UBE2O: variants seen among roughly 807,000 people sequenced by gnomAD.
UBE2O encodes the protein ubiquitin conjugating enzyme E2 O, also known as (E3-independent) E2 ubiquitin-conjugating enzyme.
In UBE2O, 15 loss-of-function variants were observed where a neutral mutation model predicts 125.8. That is an observed-to-expected ratio of 0.12 (90% CI 0.08 to 0.18). The LOEUF (loss-of-function observed/expected upper bound fraction) is 0.18. Among genes scored for constraint, UBE2O ranks in the 10% least tolerant of loss-of-function variants. The pLI is 1.00. For synonymous variants in UBE2O, 708 were observed against 703.2 expected (o/e 1.01, Z -0.11); for missense variants, 1,280 against 1,723.6 (o/e 0.74, Z 4.56).
chr17:76,396,952 T>G lies in UBE2O; in HGVS notation c.2116-131A>C. The G allele has an allele frequency of 1.4e-6, 1 of 737,270 alleles. No individual in the cohort carries two copies. The highest frequency in any genetic ancestry group is 2.2e-6 in the Non-Finnish European group (1 of 463,132). 45.7% of individuals were successfully genotyped at this position (737,270 alleles called of 1,614,324 possible). On this transcript the variant is annotated intron_variant, in intron 13 of 17. Coordinates refer to ENST00000319380, the MANE Select transcript of UBE2O (RefSeq NM_022066.4). This position sits in a 1 kb window ranked among gnomAD's most constrained non-coding sequence, Gnocchi z 6.7. ...GCTCATGAGGCCTTGGCAACCTCAT[T>G]CCACCCTTTCCCTGACCTCTGCTCT...
At chr17:76,421,988 G>A (rs771590915) in intron 1 of UBE2O, among the ~76,000 whole-genome samples, 1 of 152,214 alleles carries the variant, frequency 6.6e-6, no homozygotes, top group Non-Finnish European at 1.5e-5. Flanking sequence ...ATCCCAGGTG[G>A]AGGAAAATGG....
At position 76,410,846 on chromosome 17, in the gene UBE2O, A is replaced by C. The variant is rs1050670285; in HGVS notation, c.418-5274T>G. The stretch of plus-strand genomic sequence containing the variant: ...TCTTGAGGCTGACCCCCAATAACAC[A>C]GCAAAAGCAACTAGCTCGTCCTGCA... On this transcript the variant is annotated intron_variant, in intron 1 of 17. Transcript: ENST00000319380. The surrounding 1 kb of genome is among the most constrained non-coding windows in gnomAD (Gnocchi z 4.0). Among the ~76,000 whole-genome samples the C allele has an allele frequency of 6.6e-6, 1 of 152,194 alleles. No individual in the cohort carries two copies. The highest frequency in any genetic ancestry group is 2.1e-4 in the South Asian group (1 of 4,832).
intron 3 of UBE2O, among the ~76,000 whole-genome samples, chr17:76,403,335 T>A (rs1030529131): frequency 1.3e-5 from 2 of 152,102 alleles, no homozygotes; most frequent in Non-Finnish European, 2.9e-5. Flanking sequence ...AATGGTGTGA[T>A]CTTGGCTTAA....
intron 1 of UBE2O, among the ~76,000 whole-genome samples, chr17:76,418,445 G>A (rs1567844532): frequency 6.6e-6 from 1 of 152,212 alleles, no homozygotes; most frequent in Non-Finnish European, 1.5e-5. Flanking sequence ...GCCTCTGAAG[G>A]GCAATGGTGG....
intron 1 of UBE2O, among the ~76,000 whole-genome samples, chr17:76,442,118 G>A (rs2073084039): frequency 6.6e-6 from 1 of 152,190 alleles, no homozygotes; most frequent in Admixed American, 6.5e-5. Context: ...GCCAGAAGCA[G>A]CTTCATTTCG....
chr17:76,438,182 T>G (rs1027522471), intron 1 of UBE2O, among the ~76,000 whole-genome samples: 1 of 152,112 alleles, frequency 6.6e-6, no homozygotes, highest in African/African-American at 2.4e-5. Flanking sequence ...GCTATAAAAC[T>G]TAATGGTTTG....
At chr17:76,429,660 C>G (rs1423269130) in intron 1 of UBE2O, among the ~76,000 whole-genome samples, 1 of 151,836 alleles carries the variant, frequency 6.6e-6, no homozygotes, top group Non-Finnish European at 1.5e-5. Context: ...GAGTAGAAAG[C>G]TGGCCACTGC....
rs534791352 is a variant in UBE2O, at chr17:76,407,878, C to T, written c.418-2306G>A. Reference sequence around the variant, plus strand: ...TGCTGCCTCCAGGGGCTCTTCTGACCTTTCTATGACAAGGAGTTACATTTC... The same window carrying T: ...TGCTGCCTCCAGGGGCTCTTCTGACTTTTCTATGACAAGGAGTTACATTTC... On this transcript the variant is annotated intron_variant, in intron 1 of 17. Coordinates refer to ENST00000319380, the MANE Select transcript of UBE2O (RefSeq NM_022066.4). Among the ~76,000 whole-genome samples the T allele has an allele frequency of 2.6e-5, 4 of 152,326 alleles. No homozygotes were observed. In the East Asian group the frequency reaches 7.7e-4, roughly 29 times the overall value.
At position 76,391,431 on chromosome 17, in the gene UBE2O, A is replaced by C; in HGVS notation, c.3391T>G (p.Phe1131Val). ...EVFEQEIRQH[F>V]STGGWRLVNR... ...ACCAGCCGCCAGCCACCAGTGCTAA[A>C]GTGTTGCCTGATCTCCTGCTCAAAG... The change falls in exon 18 of 18, where the codon TTT becomes GTT. Residue 1131 changes from phenylalanine to valine, a missense_variant. Phe to Val is a conservative substitution (Grantham distance 50). Transcript: ENST00000319380. This position sits in a 1 kb window ranked among gnomAD's most constrained non-coding sequence, Gnocchi z 8.4. 6.2e-7 allele frequency: 1 copy of C among 1,613,684 alleles called. No individual in the cohort carries two copies. Among genetic ancestry groups the C allele is most frequent in the Non-Finnish European group, 8.5e-7 (1 of 1,180,010 alleles).
Position 76,398,298 on chromosome 17 carries a change from C to T in UBE2O, c.1982G>A (p.Arg661His). The change falls in exon 12 of 18, where the codon CGC becomes CAC. Residue 661 changes from arginine to histidine, a missense_variant. Arg to His is a conservative substitution (Grantham distance 29). Transcript: ENST00000319380. The surrounding 1 kb of genome is among the most constrained non-coding windows in gnomAD (Gnocchi z 5.4). ...FRFRTTDIVI[R>H]IGNTEDGAPH... ...AGCCCCATCCTCAGTATTGCCGATG[C>T]GGATGACGATGTCAGTTGTACGGAA... 4 of 1,614,146 alleles carry T rather than the reference C, an allele frequency of 2.5e-6. No individual in the cohort carries two copies. Among genetic ancestry groups the T allele is most frequent in the East Asian group, 2.2e-5 (1 of 44,892 alleles).
At chr17:76,430,859 G>A in intron 1 of UBE2O, 1 of 392,116 alleles carries the variant, frequency 2.6e-6, no homozygotes, top group Non-Finnish European at 4.9e-6. Context: ...GATGACAAAT[G>A]CCAATTCGGG....
chr17:76,402,781 A>T lies in UBE2O; in HGVS notation c.589-82T>A. 1 of 1,173,976 alleles carries T rather than the reference A, an allele frequency of 8.5e-7. No individual in the cohort carries two copies. The highest frequency in any genetic ancestry group is 1.3e-6 in the Non-Finnish European group (1 of 783,664). 72.7% of individuals were successfully genotyped at this position (1,173,976 alleles called of 1,614,324 possible). A position where few individuals can be genotyped will look rare whatever the true frequency, so the allele number is the denominator to read the frequency against. Reference sequence around the variant, plus strand: ...GCACAGATTCCTCTATGCCCCACCGAAGACAGGATGGGGGAGGATCTAGAC... The same window carrying T: ...GCACAGATTCCTCTATGCCCCACCGTAGACAGGATGGGGGAGGATCTAGAC... On this transcript the variant is annotated intron_variant, in intron 3 of 17. Transcript: ENST00000319380. The surrounding 1 kb of genome is among the most constrained non-coding windows in gnomAD (Gnocchi z 5.4).
intron 1 of UBE2O, among the ~76,000 whole-genome samples, chr17:76,421,641 A>G (rs1416131501): frequency 3.9e-5 from 6 of 152,232 alleles, no homozygotes; most frequent in Non-Finnish European, 7.3e-5. Flanking sequence ...CTAGGATTAC[A>G]GGCGTGAGCC....
chr17:76,412,017 G>A (rs1191777686), intron 1 of UBE2O, among the ~76,000 whole-genome samples: 1 of 152,094 alleles, frequency 6.6e-6, no homozygotes, highest in Non-Finnish European at 1.5e-5. Context: ...GCTTGCAGTA[G>A]TCTCAAACAG....
At chr17:76,408,738 A>G (rs1202049963) in intron 1 of UBE2O, among the ~76,000 whole-genome samples, 1 of 152,208 alleles carries the variant, frequency 6.6e-6, no homozygotes, top group Non-Finnish European at 1.5e-5. Context: ...CCGGCCTGGC[A>G]GGTGAACACT....
intron 1 of UBE2O, among the ~76,000 whole-genome samples, chr17:76,406,070 C>G (rs2072411891): frequency 6.6e-6 from 1 of 152,250 alleles, no homozygotes. Flanking sequence ...TCACCGGACA[C>G]CATGTTCTAA....
At chr17:76,420,379 T>A (rs2072689637) in intron 1 of UBE2O, among the ~76,000 whole-genome samples, 1 of 152,116 alleles carries the variant, frequency 6.6e-6, no homozygotes, top group African/African-American at 2.4e-5. Context: ...GGGCCTATCT[T>A]CCCACAGTGG....
At position 76,400,035 on chromosome 17, in the gene UBE2O, G is replaced by T; in HGVS notation, c.1155+112C>A. On this transcript the variant is annotated intron_variant, in intron 8 of 17. Coordinates refer to ENST00000319380, the MANE Select transcript of UBE2O (RefSeq NM_022066.4). This position sits in a 1 kb window ranked among gnomAD's most constrained non-coding sequence, Gnocchi z 4.3. Reference sequence around the variant, plus strand: ...GTATACACCTGAGTAGCCGGCAAGGGTCATCAGGGCTGCCCCCCAAGGCCT... The same window carrying T: ...GTATACACCTGAGTAGCCGGCAAGGTTCATCAGGGCTGCCCCCCAAGGCCT... 1 of 1,526,458 alleles carries T rather than the reference G, an allele frequency of 6.6e-7. No homozygotes were observed. Among genetic ancestry groups the T allele is most frequent in the Non-Finnish European group, 8.9e-7 (1 of 1,129,600 alleles). The allele number at this position is 1,526,458 out of a possible 1,614,324, so 94.6% of individuals were successfully genotyped here.
At chr17:76,450,877 T>C (rs1232345713) in intron 1 of UBE2O, among the ~76,000 whole-genome samples, 1 of 152,202 alleles carries the variant, frequency 6.6e-6, no homozygotes, top group African/African-American at 2.4e-5. Flanking sequence ...CGCCTCGGCC[T>C]CCCAAGTGCT....
Sources: allele counts gnomAD v4.1 joint callset (sites outside exome capture counted in the v4.1 genomes callset), GRCh38; gene constraint gnomAD v4.1.1; non-coding constraint Gnocchi (gnomAD v3.1); transcripts MANE v1.5; gene names NCBI Gene and HGNC (gene_info 2026-07-23, HGNC 2026-07-21).